Variants in GPC6 observed in about 807,000 individuals in gnomAD.
GPC6 encodes glypican-6.
In GPC6, 14 loss-of-function variants were observed where a neutral mutation model predicts 55.2. The ratio of observed to expected loss-of-function variants is 0.25; its 90% confidence interval spans 0.17 to 0.40. The LOEUF is 0.40. Ranked by LOEUF, GPC6 falls within the 10% of genes least tolerant of loss-of-function variation. The pLI, the probability that GPC6 is intolerant of heterozygous loss-of-function variation, is 1.00. For synonymous variants in GPC6, 278 were observed against 259.6 expected (o/e 1.07, Z -0.68); for missense variants, 641 against 708.5 (o/e 0.90, Z 1.08).
intron 2 of GPC6, among the ~76,000 whole-genome samples, chr13:93,760,025 C>CAAA (rs10639785): frequency 0.011 from 1,566 of 148,038 alleles, 29 homozygotes; most frequent in African/African-American, 0.026. Context: ...GCTGAGAAAA[C>CAAA]AAAAAAAAAA....
chr13:94,403,357 C>T lies in GPC6; in HGVS notation c.*140C>T, dbSNP rs1881234255. ...AGAAGAGAGCAGTAATGCAATCTGC[C>T]TCCCTTTTTGTTTTCCCAAAGAGTA... On this transcript the variant is annotated 3_prime_UTR_variant, in exon 9 of 9. Transcript: ENST00000377047. 2 of 722,830 alleles carry T rather than the reference C, an allele frequency of 2.8e-6. No homozygotes were observed. The highest frequency in any genetic ancestry group is 2.0e-5 in the Admixed American group (1 of 49,870). The allele number at this position is 722,830 out of a possible 1,614,324, so 44.8% of individuals were successfully genotyped here. A position where few individuals can be genotyped will look rare whatever the true frequency, so the allele number is the denominator to read the frequency against.
chr13:93,484,050 A>G (rs1879612824), intron 1 of GPC6, among the ~76,000 whole-genome samples: 1 of 152,152 alleles, frequency 6.6e-6, no homozygotes, highest in Non-Finnish European at 1.5e-5. Context: ...ATCCTGGGAA[A>G]AGATGCACTT....
At chr13:93,245,559 C>T (rs986023589) in intron 1 of GPC6, among the ~76,000 whole-genome samples, 2 of 152,132 alleles carry the variant, frequency 1.3e-5, no homozygotes, top group Non-Finnish European at 2.9e-5. Context: ...CTGTAATTTG[C>T]GTTTCTAACA....
intron 1 of GPC6, among the ~76,000 whole-genome samples, chr13:93,470,448 C>T (rs561618906): frequency 4.5e-4 from 68 of 152,150 alleles, no homozygotes; most frequent in Admixed American, 1.6e-3. Context: ...TTGGTCTGGC[C>T]TTGCATTACC....
chr13:93,518,345 A>G lies in GPC6; in HGVS notation c.161-26918A>G, dbSNP rs1881283331. ...TAAGTGTGCCTCTTTTTCTGAGCAC[A>G]GATGGGCCTTAATCTAGTTCCGTCA... On this transcript the variant is annotated intron_variant, in intron 1 of 8. Coordinates refer to ENST00000377047, the MANE Select transcript of GPC6 (RefSeq NM_005708.5). 1.3e-5 allele frequency among the ~76,000 whole-genome samples: 2 copies of G among 151,656 alleles called. 1 individual carries two copies. The highest frequency in any genetic ancestry group is 1.3e-4 in the Admixed American group (2 of 15,158).
chr13:93,271,634 G>A (rs188829984), intron 1 of GPC6, among the ~76,000 whole-genome samples: 127 of 152,254 alleles, frequency 8.3e-4, no homozygotes, highest in African/African-American at 3.0e-3. Context: ...ACGATCAAGT[G>A]AGTGGTTTAA....
At chr13:93,260,484 C>G (rs1484023246) in intron 1 of GPC6, among the ~76,000 whole-genome samples, 2 of 152,070 alleles carry the variant, frequency 1.3e-5, no homozygotes, top group Non-Finnish European at 2.9e-5. Context: ...CTTTGGCTAA[C>G]AGACGCTCCT....
At chr13:94,338,363 A>G (rs985973542) in intron 6 of GPC6, among the ~76,000 whole-genome samples, 5 of 152,188 alleles carry the variant, frequency 3.3e-5, no homozygotes, top group Admixed American at 1.3e-4. Flanking sequence ...GAGATGACCA[A>G]TCCTGCTTGC....
chr13:93,591,535 T>A (rs1877487917), intron 2 of GPC6, among the ~76,000 whole-genome samples: 1 of 152,240 alleles, frequency 6.6e-6, no homozygotes, highest in Admixed American at 6.5e-5. Context: ...TGTGTAACTT[T>A]TGCATTCCAT....
chr13:93,427,231 A>G (rs1296790056), intron 1 of GPC6, among the ~76,000 whole-genome samples: 1 of 151,950 alleles, frequency 6.6e-6, no homozygotes, highest in East Asian at 1.9e-4. Context: ...GACTTTCTTC[A>G]CAGAATTGGA....
At chr13:93,594,581 G>A (rs1877643802) in intron 2 of GPC6, among the ~76,000 whole-genome samples, 1 of 152,080 alleles carries the variant, frequency 6.6e-6, no homozygotes, top group South Asian at 2.1e-4. Context: ...TAAGATCAGA[G>A]ACCTAAGGAG....
chr13:93,266,178 T>C (rs556732684), intron 1 of GPC6, among the ~76,000 whole-genome samples: 2 of 152,348 alleles, frequency 1.3e-5, no homozygotes, highest in South Asian at 4.1e-4. Flanking sequence ...TATGTTTTAC[T>C]TTTTTCACCA....
chr13:93,961,513 A>T (rs1245482388), intron 3 of GPC6, among the ~76,000 whole-genome samples: 1 of 152,242 alleles, frequency 6.6e-6, no homozygotes, highest in Non-Finnish European at 1.5e-5. Flanking sequence ...TTTCCAAAAG[A>T]AAAAAGATTC....
chr13:93,959,036 A>G (rs1331180356), intron 3 of GPC6, among the ~76,000 whole-genome samples: 1 of 152,216 alleles, frequency 6.6e-6, no homozygotes, highest in Non-Finnish European at 1.5e-5. Context: ...GTATTCTGAA[A>G]TCTTACTGAA....
chr13:93,901,640 C>T (rs1004524497), intron 3 of GPC6, among the ~76,000 whole-genome samples: 12 of 151,896 alleles, frequency 7.9e-5, no homozygotes, highest in Non-Finnish European at 1.8e-4. Flanking sequence ...CGGTGGTTCA[C>T]GCCTGTAATC....
chr13:93,945,037 T>C (rs754707487), intron 3 of GPC6, among the ~76,000 whole-genome samples: 19 of 152,298 alleles, frequency 1.2e-4, no homozygotes, highest in Admixed American at 2.0e-4. Context: ...CTACTGAGAC[T>C]AGGTCTCCCC....
At chr13:94,027,945 G>A (rs756232383) in intron 4 of GPC6, 51 bp downstream of exon 4, 1 of 1,512,528 alleles carries the variant, frequency 6.6e-7, no homozygotes, top group Non-Finnish European at 9.2e-7. Context: ...AACAGCAAGT[G>A]TTTATGGGGC....
chr13:93,471,739 G>A (rs373322834), intron 1 of GPC6, among the ~76,000 whole-genome samples: 26 of 152,148 alleles, frequency 1.7e-4, no homozygotes, highest in African/African-American at 6.0e-4. Context: ...CAGAGAACAC[G>A]CTGTGTATGA....
intron 1 of GPC6, among the ~76,000 whole-genome samples, chr13:93,380,527 C>T (rs1234208748): frequency 1.3e-5 from 2 of 152,016 alleles, no homozygotes; most frequent in Non-Finnish European, 2.9e-5. Context: ...AATGGAATTC[C>T]TTTTTAACTT....
Sources: gnomAD v4.1 joint callset for allele counts (sites outside exome capture counted in the v4.1 genomes callset) on GRCh38, gnomAD v4.1.1 for gene constraint, MANE v1.5 for transcripts, NCBI Gene and HGNC (gene_info 2026-07-23, HGNC 2026-07-21) for gene names.